The following MYO1F variants were observed in gnomAD, a reference collection of about 807,000 sequenced individuals.
The protein encoded by MYO1F is unconventional myosin-If.
Under a neutral mutation model 146.6 loss-of-function variants are expected in MYO1F, and 60 were observed. The ratio of observed to expected loss-of-function variants is 0.41; its 90% CI spans 0.33 to 0.51. The LOEUF is 0.51. Ranked by LOEUF, MYO1F falls within the 20% of genes least tolerant of loss-of-function variation. The pLI, the probability that MYO1F is intolerant of heterozygous loss-of-function variation, is 0.25. For missense variants in MYO1F, 1,274 were observed against 1,534.3 expected, an observed-to-expected ratio of 0.83 and a Z score of 2.83; for synonymous variants, 602 against 602.1, an observed-to-expected ratio of 1.00 and a Z score of 0.00.
At position 8,526,898 on chromosome 19, in the gene MYO1F, C is replaced by A. The variant is rs748538088; in HGVS notation, c.2512G>T (p.Ala838Ser). Reference protein sequence around the residue: ...QDDFFILQEDAADSFLESVFK... With the variant: ...QDDFFILQEDSADSFLESVFK... The stretch of plus-strand genomic sequence containing the variant: ...ACGCTCTCCAGGAAGCTGTCGGCGG[C>A]ATCCTCTTGGAGGATGAAGAAGTCG... Residue 838 changes from alanine to serine, a missense_variant, in exon 23 of 28, where the codon GCC (alanine) becomes TCC (serine). Physicochemically the swap from Ala to Ser is moderately conservative, Grantham distance 99. Transcript: ENST00000644032. 6.2e-7 allele frequency: 1 copy of A among 1,613,970 alleles called. No homozygotes were observed. The highest frequency in any genetic ancestry group is 8.5e-7 in the Non-Finnish European group (1 of 1,179,986).
intron 1 of MYO1F, among the ~76,000 whole-genome samples, chr19:8,574,219 A>G (rs976407081): frequency 3.3e-5 from 5 of 152,146 alleles, no homozygotes; most frequent in African/African-American, 1.2e-4. Context: ...CGAACCTGCA[A>G]CAAGAAACAG....
rs760956064 is a variant in MYO1F, at chr19:8,550,695, CTG to C, written c.772-3_772-2del. On this transcript the variant is annotated splice_acceptor_variant and splice_polypyrimidine_tract_variant and intron_variant, in intron 8 of 27. Coordinates refer to ENST00000644032, the MANE Select transcript of MYO1F (RefSeq NM_012335.4). LOFTEE classifies it high-confidence loss of function. ...GGATCCCAATAACCTGCATAGCACTCTGTGGTACAACGGGGGCAGAAACTGTG... is the reference window on the plus strand; with the variant it reads ...GGATCCCAATAACCTGCATAGCACTCTGGTACAACGGGGGCAGAAACTGTG... The C allele has an allele frequency of 6.2e-7, 1 of 1,614,068 alleles. No homozygotes were observed. Among genetic ancestry groups the C allele is most frequent in the Non-Finnish European group, 8.5e-7 (1 of 1,180,030 alleles).
intron 1 of MYO1F, among the ~76,000 whole-genome samples, chr19:8,560,817 C>T (rs1256551804): frequency 6.7e-6 from 1 of 150,198 alleles, no homozygotes; most frequent in Non-Finnish European, 1.5e-5. Flanking sequence ...CGGCTCACTG[C>T]AAGCTCTGTC....
Position 8,577,404 on chromosome 19 carries a change from C to T in MYO1F, c.-95G>A. The T allele has an allele frequency of 7.1e-7, 1 of 1,399,004 alleles. No individual in the cohort carries two copies. 86.7% of individuals were successfully genotyped at this position (1,399,004 alleles called of 1,614,324 possible). On this transcript the variant is annotated 5_prime_UTR_variant, in exon 1 of 28. Coordinates refer to ENST00000644032, the MANE Select transcript of MYO1F (RefSeq NM_012335.4). This position sits in a 1 kb window ranked among gnomAD's most constrained non-coding sequence, Gnocchi z 4.3. ...GATCTTGGGGGTGGCTTGGGCATGG[C>T]CCTGCTTCTGCCCGTTCACCGGACT... is the stretch of plus-strand genomic sequence containing the variant.
At chr19:8,575,575 G>A (rs1312007484) in intron 1 of MYO1F, among the ~76,000 whole-genome samples, 2 of 152,078 alleles carry the variant, frequency 1.3e-5, no homozygotes, top group African/African-American at 4.8e-5. Flanking sequence ...ACCATGGCCC[G>A]ATAGCAGTCC....
Position 8,554,576 on chromosome 19 carries a change from C to T in MYO1F, c.232-5G>A. ...CGGGGGATTCTCATACTGGGCCTGGCAGGGGAGGTCAGGTCTCAGCCCAGG... is the reference window on the plus strand; with the variant it reads ...CGGGGGATTCTCATACTGGGCCTGGTAGGGGAGGTCAGGTCTCAGCCCAGG... On this transcript the variant is annotated splice_region_variant and splice_polypyrimidine_tract_variant and intron_variant, in intron 3 of 27. Transcript: ENST00000644032. The T allele has an allele frequency of 6.2e-7, 1 of 1,612,102 alleles. No individual in the cohort carries two copies.
In MYO1F at chr19:8,577,154, G is replaced by A; in HGVS notation, c.3+153C>T. 2.3e-6 allele frequency: 2 copies of A among 866,414 alleles called. No homozygotes were observed. Among genetic ancestry groups the A allele is most frequent in the Non-Finnish European group, 3.8e-6 (2 of 530,394 alleles). 53.7% of individuals were successfully genotyped at this position (866,414 alleles called of 1,614,324 possible). ...TGCTCCCTGGTAAGGGATGCTGGAG[G>A]CACCTGAGCTGCACTGAGAGACACC... On this transcript the variant is annotated intron_variant, in intron 1 of 27. Coordinates refer to ENST00000644032, the MANE Select transcript of MYO1F (RefSeq NM_012335.4). This position sits in a 1 kb window ranked among gnomAD's most constrained non-coding sequence, Gnocchi z 4.3.
At chr19:8,541,771 C>T in intron 15 of MYO1F, 135 bp downstream of exon 15, 1 of 833,762 alleles carries the variant, frequency 1.2e-6, no homozygotes, top group Non-Finnish European at 2.0e-6. Context: ...ATAGAAACAC[C>T]ATCCTGGCCG....
chr19:8,534,948 G>A (rs1972643193), intron 19 of MYO1F, among the ~76,000 whole-genome samples: 1 of 151,260 alleles, frequency 6.6e-6, no homozygotes, highest in African/African-American at 2.4e-5. Context: ...TTAAATTACT[G>A]TTGCCCAGGC....
intron 1 of MYO1F, among the ~76,000 whole-genome samples, chr19:8,562,527 A>C (rs1220522204): frequency 5.3e-5 from 8 of 151,268 alleles, no homozygotes; most frequent in Non-Finnish European, 8.8e-5. Context: ...GTTTATTTTA[A>C]AAATTTATTT....
chr19:8,534,990 C>G (rs1454667604), intron 19 of MYO1F, among the ~76,000 whole-genome samples: 2 of 152,096 alleles, frequency 1.3e-5, no homozygotes, highest in African/African-American at 4.8e-5. Flanking sequence ...TGGCTCACTT[C>G]AGCCTCTGCC....
In MYO1F at chr19:8,527,408, C is replaced by G; in HGVS notation, c.2404G>C (p.Glu802Gln). The change falls in exon 22 of 28, where the codon GAG becomes CAG. Residue 802 changes from glutamate (E) to glutamine (Q), a missense_variant. Glu to Gln is a conservative substitution (Grantham distance 29, BLOSUM62 2). Around this residue, in one of 2 missense-constraint regions of MYO1F, gnomAD observed 900 missense variants for 1,155.1 expected, o/e 0.78. Transcript: ENST00000644032. The part of the protein sequence containing the change: ...IGREKVKKGP[E>Q]KGQVCEVLKK... ...AAGACTTCACACACCTGGCCCTTCT[C>G]AGGTCCCTTCTTCACTTTCTCTCGC... is the stretch of plus-strand genomic sequence containing the variant. The G allele has an allele frequency of 6.2e-7, 1 of 1,614,078 alleles. No homozygotes were observed. Among genetic ancestry groups the G allele is most frequent in the South Asian group, 1.1e-5 (1 of 91,072 alleles).
At chr19:8,575,920 C>G (rs2042231704) in intron 1 of MYO1F, among the ~76,000 whole-genome samples, 1 of 152,216 alleles carries the variant, frequency 6.6e-6, no homozygotes, top group South Asian at 2.1e-4. Context: ...TGCTTCTCAT[C>G]TTGGAAGAAT....
intron 25 of MYO1F, among the ~76,000 whole-genome samples, chr19:8,524,229 G>C (rs1972174508): frequency 6.6e-6 from 1 of 151,612 alleles, no homozygotes; most frequent in South Asian, 2.1e-4. Flanking sequence ...GACCAGTCTG[G>C]CCAACATGGT....
chr19:8,538,484 G>A (rs992874936), intron 16 of MYO1F, among the ~76,000 whole-genome samples: 3 of 151,436 alleles, frequency 2.0e-5, no homozygotes, highest in Admixed American at 6.6e-5. Context: ...CTTTCACCAT[G>A]TTGGCCAGGC....
intron 12 of MYO1F, among the ~76,000 whole-genome samples, chr19:8,545,952 C>A (rs905404996): frequency 6.6e-6 from 1 of 152,076 alleles, no homozygotes; most frequent in African/African-American, 2.4e-5. Context: ...GATAAATACC[C>A]CAGCTCCCTC....
intron 1 of MYO1F, among the ~76,000 whole-genome samples, chr19:8,556,522 G>C (rs1036408615): frequency 2.0e-5 from 3 of 147,920 alleles, no homozygotes; most frequent in African/African-American, 7.4e-5. Context: ...GAAAGAGAAA[G>C]AAAGAAAGAA....
At chr19:8,554,849 G>A (rs1167883732) in intron 2 of MYO1F, 106 bp from the exon 3 acceptor site, 11 of 1,042,158 alleles carry the variant, frequency 1.1e-5, no homozygotes, top group Non-Finnish European at 1.5e-5. Flanking sequence ...GCTTGGAGGT[G>A]GAAGAGATGG....
chr19:8,576,824 T>C (rs531986426), intron 1 of MYO1F: 2 of 205,024 alleles, frequency 9.8e-6, no homozygotes, highest in African/African-American at 4.7e-5. Context: ...CCCACAGACC[T>C]TGAGAATGTT....
Sources: allele counts gnomAD v4.1 joint callset (sites outside exome capture counted in the v4.1 genomes callset), GRCh38; gene constraint gnomAD v4.1.1; regional missense constraint gnomAD v4.1.1; non-coding constraint Gnocchi (gnomAD v3.1); transcripts MANE v1.5; gene names NCBI Gene and HGNC (gene_info 2026-07-23, HGNC 2026-07-21).